MYOCD: variants seen among roughly 807,000 people sequenced by gnomAD.
MYOCD encodes the protein myocardin.
Under a neutral mutation model 96.1 loss-of-function variants are expected in MYOCD, and 32 were observed. The ratio of observed to expected loss-of-function variants is 0.33; its 90% CI spans 0.25 to 0.45. The LOEUF is 0.45. MYOCD is among the 20% of genes least tolerant of loss of function. The pLI is 1.00. For missense variants in MYOCD, 1,133 were observed against 1,200.6 expected (o/e 0.94, Z 0.83); for synonymous variants, 469 against 469.0 (o/e 1.00, Z 0.00).
At chr17:12,670,052 G>A (rs964078706) in intron 1 of MYOCD, among the ~76,000 whole-genome samples, 1 of 152,132 alleles carries the variant, frequency 6.6e-6, no homozygotes, top group Admixed American at 6.5e-5. Flanking sequence ...TATGGGTGAG[G>A]AAGAACATGG....
rs140931449 is a variant in MYOCD at position 12,749,266 on chromosome 17, C to T, written c.1126-3148C>T. Among the ~76,000 whole-genome samples the T allele has an allele frequency of 2.0e-4, 31 of 152,196 alleles. 2 individuals are homozygous for T. The East Asian group carries it at 5.6e-3, about 28-fold the overall frequency. Reference sequence around the variant, plus strand: ...ATTTCAGGCGGGGCGCAGTGGCTCACGCCTGTAATCCTAGCGTTTGGGAGG... The same window carrying T: ...ATTTCAGGCGGGGCGCAGTGGCTCATGCCTGTAATCCTAGCGTTTGGGAGG... On this transcript the variant is annotated intron_variant, in intron 9 of 13. Coordinates refer to ENST00000425538, the MANE Select transcript of MYOCD (RefSeq NM_001146312.3).
intron 1 of MYOCD, among the ~76,000 whole-genome samples, chr17:12,696,230 G>T (rs923122689): frequency 6.6e-6 from 1 of 151,774 alleles, no homozygotes. Flanking sequence ...CGCCCGCCTC[G>T]ACCTCCCAAA....
chr17:12,750,072 C>T (rs1286515040), intron 9 of MYOCD, among the ~76,000 whole-genome samples: 1 of 151,882 alleles, frequency 6.6e-6, no homozygotes, highest in Non-Finnish European at 1.5e-5. Context: ...CTCCTGACCT[C>T]GTGATCCGCC....
intron 4 of MYOCD, among the ~76,000 whole-genome samples, chr17:12,719,070 G>C (rs940418786): frequency 6.6e-6 from 1 of 150,970 alleles, no homozygotes; most frequent in African/African-American, 2.4e-5. Flanking sequence ...AGCTACTCAG[G>C]AGGCTGAAGC....
intron 5 of MYOCD, among the ~76,000 whole-genome samples, 189 bp from the exon 6 acceptor site, chr17:12,735,972 C>T (rs754180126): frequency 6.6e-6 from 1 of 152,188 alleles, no homozygotes; most frequent in Non-Finnish European, 1.5e-5. Flanking sequence ...GCACTCTTTC[C>T]TCCATGCCAA....
At chr17:12,680,024 C>T (rs1451165333) in intron 1 of MYOCD, among the ~76,000 whole-genome samples, 1 of 152,084 alleles carries the variant, frequency 6.6e-6, no homozygotes, top group African/African-American at 2.4e-5. Flanking sequence ...GTTTTATAGT[C>T]AGAAAAGGCA....
At chr17:12,694,016 A>G (rs1378057904) in intron 1 of MYOCD, among the ~76,000 whole-genome samples, 1 of 152,186 alleles carries the variant, frequency 6.6e-6, no homozygotes, top group Non-Finnish European at 1.5e-5. Context: ...CGACCTTCCA[A>G]AGATAAGAAT....
chr17:12,684,714 C>T (rs891343643), intron 1 of MYOCD, among the ~76,000 whole-genome samples: 10 of 152,106 alleles, frequency 6.6e-5, no homozygotes, highest in African/African-American at 2.4e-4. Flanking sequence ...GGCATGGTGG[C>T]ACATGCCTGT....
At chr17:12,702,423 A>G (rs1392427252) in intron 1 of MYOCD, among the ~76,000 whole-genome samples, 2 of 151,904 alleles carry the variant, frequency 1.3e-5, no homozygotes, top group African/African-American at 2.4e-5. Flanking sequence ...CTTTCAACCA[A>G]TCTGACACTT....
chr17:12,692,751 C>T (rs2030517995), intron 1 of MYOCD, among the ~76,000 whole-genome samples: 1 of 152,142 alleles, frequency 6.6e-6, no homozygotes, highest in South Asian at 2.1e-4. Context: ...CCTGGTTCTC[C>T]CTCTTCTGAG....
intron 11 of MYOCD, 114 bp from the exon 12 acceptor site, chr17:12,757,971 C>G (rs958424238): frequency 1.3e-6 from 1 of 788,008 alleles, no homozygotes; most frequent in African/African-American, 1.7e-5. Context: ...CTGGACTTTT[C>G]TTTTTTCCTC....
intron 10 of MYOCD, among the ~76,000 whole-genome samples, chr17:12,754,337 C>T (rs747579817): frequency 2.0e-5 from 3 of 152,110 alleles, no homozygotes; most frequent in African/African-American, 7.2e-5. Context: ...CTCCTGACCT[C>T]GTGATCCGCC....
intron 8 of MYOCD, 87 bp from the exon 9 acceptor site, chr17:12,745,832 A>G: frequency 1.4e-6 from 2 of 1,402,012 alleles, no homozygotes; most frequent in Non-Finnish European, 2.0e-6. Context: ...TGACCCTTGC[A>G]GGCAATCACT....
chr17:12,715,356 G>A (rs2031607324), intron 2 of MYOCD, among the ~76,000 whole-genome samples, 163 bp from the exon 3 acceptor site: 1 of 152,042 alleles, frequency 6.6e-6, no homozygotes, highest in Non-Finnish European at 1.5e-5. Context: ...CGGCTTCAGG[G>A]CCGCTGGTGT....
chr17:12,710,641 G>C, intron 2 of MYOCD: 1 of 331,890 alleles, frequency 3.0e-6, no homozygotes, highest in African/African-American at 2.2e-5. Context: ...TTGAGAAGTT[G>C]ACTGGACAAA....
At chr17:12,726,335 T>C (rs1419392603) in intron 5 of MYOCD, among the ~76,000 whole-genome samples, 1 of 152,174 alleles carries the variant, frequency 6.6e-6, no homozygotes, top group African/African-American at 2.4e-5. Flanking sequence ...CAAATAGGCA[T>C]GACTATGTTC....
intron 4 of MYOCD, 75 bp from the exon 5 acceptor site, chr17:12,722,772 C>T: frequency 2.3e-6 from 3 of 1,309,014 alleles, no homozygotes; most frequent in Non-Finnish European, 3.2e-6. Context: ...TTTGTAACCA[C>T]AAGCCAAAAA....
Position 12,752,619 on chromosome 17 carries a change from A to T in MYOCD, c.1331A>T (p.Asn444Ile), listed in dbSNP as rs1567599508. The T allele has an allele frequency of 6.2e-7, 1 of 1,614,058 alleles. No individual in the cohort carries two copies. The highest frequency in any genetic ancestry group is 8.5e-7 in the Non-Finnish European group (1 of 1,180,000). ...TCCTCTTCTACCAGTGCCCTGTCCA[A>T]CGGCTTCTACCACTTTGGCAGCACC... ...QSSSSTSALS[N>I]GFYHFGSTSS... Residue 444 changes from asparagine (N) to isoleucine (I), a missense_variant, in exon 10 of 14, where the codon AAC becomes ATC. Physicochemically the swap from Asn to Ile is moderately radical, Grantham distance 149. Transcript: ENST00000425538.
At chr17:12,716,053 T>A (rs1464923107) in intron 3 of MYOCD, among the ~76,000 whole-genome samples, 2 of 152,216 alleles carry the variant, frequency 1.3e-5, no homozygotes, top group Non-Finnish European at 2.9e-5. Context: ...CATTTGAGGG[T>A]GAGATTTGGC....
Sources: gnomAD v4.1 joint callset for allele counts (sites outside exome capture counted in the v4.1 genomes callset) on GRCh38, gnomAD v4.1.1 for gene constraint, MANE v1.5 for transcripts, NCBI Gene and HGNC (gene_info 2026-07-23, HGNC 2026-07-21) for gene names.